Variants in SERINC5 observed in about 807,000 individuals in gnomAD.
SERINC5 encodes chromosome 5 open reading frame 12.
A neutral mutation model predicts 63.1 loss-of-function variants in SERINC5; 41 were observed. The observed-to-expected ratio is 0.65, with a 90% CI of 0.51 to 0.84. The LOEUF (loss-of-function observed/expected upper bound fraction) is 0.84. SERINC5 is among the 40% of genes least tolerant of loss of function. The probability of loss-of-function intolerance (pLI) is 0.00; values close to 1 mark genes in which losing one functional copy is unlikely to be tolerated. For missense variants in SERINC5, 523 were observed against 573.0 expected, an observed-to-expected ratio of 0.91 and a Z score of 0.89; for synonymous variants, 222 against 215.2, an observed-to-expected ratio of 1.03 and a Z score of -0.28.
intron 2 of SERINC5, among the ~76,000 whole-genome samples, chr5:80,184,635 GGTAA>G (rs1451400877): frequency 2.6e-5 from 4 of 152,150 alleles, no homozygotes; most frequent in Non-Finnish European, 4.4e-5. Context: ...TTCAGTATGT[GGTAA>G]GTATTTTTGG....
intron 2 of SERINC5, among the ~76,000 whole-genome samples, chr5:80,191,527 C>G (rs1287392853): frequency 5.4e-5 from 8 of 147,396 alleles, no homozygotes; most frequent in Admixed American, 5.4e-4. Flanking sequence ...AGCCAGGCAT[C>G]GTGGTGCACA....
chr5:80,247,783 C>T (rs1340784155), intron 1 of SERINC5, among the ~76,000 whole-genome samples: 2 of 152,164 alleles, frequency 1.3e-5, no homozygotes, highest in Non-Finnish European at 2.9e-5. Flanking sequence ...CCAGTGGATG[C>T]CTGAAAGTGT....
At chr5:80,178,634 C>T (rs1748212252) in intron 2 of SERINC5, among the ~76,000 whole-genome samples, 1 of 147,564 alleles carries the variant, frequency 6.8e-6, no homozygotes. Context: ...CCTGTCTTCG[C>T]ATCCCAAAGT....
rs919101017 is a variant in SERINC5 at position 80,182,549 on chromosome 5, C to A, written c.196-4485G>T. On this transcript the variant is annotated intron_variant, in intron 2 of 11. Coordinates refer to ENST00000507668, the MANE Select transcript of SERINC5 (RefSeq NM_001174072.3). ...TAAGCTTCTATCATCTGACCGCCCC[C>A]CCCCCCTCCGCTTTTTTTTAATTGA... is the stretch of plus-strand genomic sequence containing the variant. Among the ~76,000 whole-genome samples the A allele has an allele frequency of 1.4e-4, 20 of 141,556 alleles. 1 individual carries two copies. Among genetic ancestry groups the A allele is most frequent in the African/African-American group, 4.2e-4 (16 of 38,452 alleles). 92.9% of individuals were successfully genotyped at this position (141,556 alleles called of 152,430 possible).
chr5:80,175,683 A>G (rs1747980499), intron 4 of SERINC5, among the ~76,000 whole-genome samples: 1 of 151,416 alleles, frequency 6.6e-6, no homozygotes, highest in Admixed American at 6.6e-5. Context: ...AGCCTGGCCT[A>G]CATGGTGAAA....
chr5:80,248,628 A>AGCCAACATCAAC (rs1340912389), intron 1 of SERINC5, among the ~76,000 whole-genome samples: 3 of 152,232 alleles, frequency 2.0e-5, no homozygotes, highest in Non-Finnish European at 4.4e-5. Context: ...CACCACCTTG[A>AGCCAACATCAAC]CAGAACAATT....
intron 12 of SERINC5, among the ~76,000 whole-genome samples, chr5:80,112,402 C>T (rs1015300004): frequency 6.6e-6 from 1 of 152,154 alleles, no homozygotes; most frequent in Non-Finnish European, 1.5e-5. Context: ...CGTTTTCTTG[C>T]TGACCTTCTC....
chr5:80,191,881 A>G (rs1749212401), intron 2 of SERINC5, among the ~76,000 whole-genome samples: 1 of 152,162 alleles, frequency 6.6e-6, no homozygotes. Flanking sequence ...TCTGAGCACA[A>G]TGTTCAGGTC....
intron 1 of SERINC5, among the ~76,000 whole-genome samples, chr5:80,228,261 AGGAAAGGAGGGAGGGAGGGAGGGAG>A (rs1371158641): frequency 5.2e-4 from 46 of 87,914 alleles, no homozygotes; most frequent in East Asian, 4.2e-3. Context: ...GAGGGAGGGA[AGGAAAGGAGGGAGGGAGGGAGGGAG>A]GGAAAGGAGG....
chr5:80,238,985 T>C (rs1317008092), intron 1 of SERINC5, among the ~76,000 whole-genome samples: 5 of 152,142 alleles, frequency 3.3e-5, no homozygotes, highest in Admixed American at 6.5e-5. Flanking sequence ...CATTGGAAAA[T>C]AGCAAAGGCT....
chr5:80,201,143 T>C (rs948649765), intron 2 of SERINC5, among the ~76,000 whole-genome samples: 18 of 152,052 alleles, frequency 1.2e-4, no homozygotes, highest in African/African-American at 4.1e-4. Flanking sequence ...AAAAATAAAA[T>C]AGCCCTAGTT....
chr5:80,163,602 T>G (rs1406100362), intron 7 of SERINC5, among the ~76,000 whole-genome samples: 1 of 138,746 alleles, frequency 7.2e-6, no homozygotes, highest in Non-Finnish European at 1.5e-5. Context: ...TTTCTGCATC[T>G]ATTGAAATGA....
At chr5:80,135,557 G>C (rs545578576), downstream of SERINC5, among the ~76,000 whole-genome samples, 1 of 152,292 alleles carries the variant, frequency 6.6e-6, no homozygotes, top group East Asian at 1.9e-4. Flanking sequence ...GTAAGGATGA[G>C]TGTATGAAAT....
At chr5:80,226,402 G>T (rs1248403561) in intron 1 of SERINC5, among the ~76,000 whole-genome samples, 1 of 152,152 alleles carries the variant, frequency 6.6e-6, no homozygotes, top group East Asian at 1.9e-4. Flanking sequence ...CCAAAATCCT[G>T]ATCTCTGATT....
intron 2 of SERINC5, among the ~76,000 whole-genome samples, chr5:80,178,343 C>T (rs1489262296): frequency 2.1e-5 from 2 of 96,474 alleles, no homozygotes; most frequent in African/African-American, 4.1e-5. Context: ...TTTTTAACCG[C>T]CCCCACCCCC....
intron 1 of SERINC5, among the ~76,000 whole-genome samples, chr5:80,224,297 C>A (rs1751065965): frequency 6.6e-6 from 1 of 151,828 alleles, no homozygotes; most frequent in Non-Finnish European, 1.5e-5. Context: ...GGCAAAGTGG[C>A]AAAACCCCAC....
At chr5:80,119,158 G>A (rs1744444780) in intron 11 of SERINC5, among the ~76,000 whole-genome samples, 1 of 152,054 alleles carries the variant, frequency 6.6e-6, no homozygotes, top group Admixed American at 6.5e-5. Flanking sequence ...TATGTCCCGG[G>A]GTTGTTTGAA....
chr5:80,150,088 T>C (rs570481028), intron 9 of SERINC5, among the ~76,000 whole-genome samples: 2 of 152,296 alleles, frequency 1.3e-5, no homozygotes, highest in South Asian at 4.2e-4. Context: ...AGTTAATGTA[T>C]CTACAACGTT....
intron 1 of SERINC5, among the ~76,000 whole-genome samples, chr5:80,206,567 CTGAGA>C (rs1221342088): frequency 1.3e-5 from 2 of 152,172 alleles, no homozygotes; most frequent in Non-Finnish European, 2.9e-5. Context: ...TCTACTCGGG[CTGAGA>C]TAAGAGAATA....
Sources: allele counts gnomAD v4.1 joint callset (sites outside exome capture counted in the v4.1 genomes callset), GRCh38; gene constraint gnomAD v4.1.1; transcripts MANE v1.5; gene names NCBI Gene and HGNC (gene_info 2026-07-23, HGNC 2026-07-21).